Variants in FTO observed in about 807,000 individuals in gnomAD.
FTO encodes alpha-ketoglutarate-dependent dioxygenase FTO.
Under a neutral mutation model 63.9 loss-of-function variants are expected in FTO, and 47 were observed. The ratio of observed to expected loss-of-function variants is 0.74; its 90% CI spans 0.58 to 0.94. The LOEUF (loss-of-function observed/expected upper bound fraction) is 0.94, where lower values mean the gene tolerates loss of function less well. FTO is among the 40% of genes least tolerant of loss of function. FTO has a pLI of 0.00. For missense variants in FTO, 562 were observed against 618.1 expected (o/e 0.91, Z 0.96); for synonymous variants, 207 against 224.4 (o/e 0.92, Z 0.69).
intron 8 of FTO, among the ~76,000 whole-genome samples, chr16:54,017,854 C>T (rs879543730): frequency 3.3e-5 from 5 of 151,970 alleles, no homozygotes; most frequent in South Asian, 2.1e-4. Context: ...CAGCCTCGCC[C>T]GCAAATTGTA....
At chr16:53,888,729 A>C in intron 6 of FTO, 103 bp from the exon 7 acceptor site, 3 of 1,209,500 alleles carry the variant, frequency 2.5e-6, no homozygotes, top group South Asian at 1.2e-5. Context: ...TTCTCATCCT[A>C]TGGCCATCAA....
At chr16:54,086,104 A>G (rs1305655417) in intron 8 of FTO, among the ~76,000 whole-genome samples, 1 of 152,204 alleles carries the variant, frequency 6.6e-6, no homozygotes, top group Middle Eastern at 3.2e-3. Flanking sequence ...TGGAAAACAA[A>G]TCATAAATAC....
At chr16:53,975,300 A>G (rs1406831816) in intron 8 of FTO, among the ~76,000 whole-genome samples, 1 of 151,800 alleles carries the variant, frequency 6.6e-6, no homozygotes, top group Non-Finnish European at 1.5e-5. Context: ...TATTTAGTCT[A>G]AAGTAGTATG....
At chr16:53,928,570 G>A (rs1176164509) in intron 7 of FTO, among the ~76,000 whole-genome samples, 1 of 152,088 alleles carries the variant, frequency 6.6e-6, no homozygotes, top group Non-Finnish European at 1.5e-5. Context: ...AAATTTTAGA[G>A]TTTGAATGTT....
At position 53,931,906 on chromosome 16, in the gene FTO, A is replaced by G. The variant is rs929627685; in HGVS notation, c.1240-2079A>G. 1.1e-4 allele frequency among the ~76,000 whole-genome samples: 16 copies of G among 150,286 alleles called. No individual in the cohort carries two copies. In the East Asian group the frequency reaches 3.0e-3, roughly 28 times the overall value. On this transcript the variant is annotated intron_variant, in intron 7 of 8. Coordinates refer to ENST00000471389, the MANE Select transcript of FTO (RefSeq NM_001080432.3). ...CACACACACACACACACACACACACACGCACATACCAGATTTCTTGTTTAT... is the reference window on the plus strand; with the variant it reads ...CACACACACACACACACACACACACGCGCACATACCAGATTTCTTGTTTAT...
At chr16:54,018,434 A>G (rs562929012) in intron 8 of FTO, among the ~76,000 whole-genome samples, 2,048 of 152,050 alleles carry the variant, frequency 0.013, 37 homozygotes, top group African/African-American at 0.047. Flanking sequence ...ACATACATAC[A>G]TACATACATA....
At chr16:54,010,023 G>A (rs1298374730) in intron 8 of FTO, among the ~76,000 whole-genome samples, 3 of 152,188 alleles carry the variant, frequency 2.0e-5, no homozygotes, top group Non-Finnish European at 4.4e-5. Flanking sequence ...TACCCTAAAA[G>A]ACAGAGGAAC....
intron 1 of FTO, among the ~76,000 whole-genome samples, chr16:53,806,898 G>A (rs148913583): frequency 3.9e-5 from 6 of 152,264 alleles, no homozygotes; most frequent in African/African-American, 7.2e-5. Flanking sequence ...TCTAAGTATG[G>A]TTTTGTTTTG....
In FTO at chr16:53,929,750, A is replaced by T. The variant is rs900927686; in HGVS notation, c.1240-4235A>T. 2.0e-5 allele frequency among the ~76,000 whole-genome samples: 3 copies of T among 152,300 alleles called. No individual in the cohort carries two copies. The East Asian group carries it at 5.8e-4, about 29-fold the overall frequency. ...TTTCGCAGTGCCTTGGGGCTTTGAG[A>T]AGATGCCCCAAAACAAAGGGAGGAC... On this transcript the variant is annotated intron_variant, in intron 7 of 8. Coordinates refer to ENST00000471389, the MANE Select transcript of FTO (RefSeq NM_001080432.3).
chr16:53,828,976 C>T (rs56971155), intron 3 of FTO, among the ~76,000 whole-genome samples: 58,851 of 152,072 alleles, frequency 0.39, 11,791 homozygotes, highest in Middle Eastern at 0.51. Flanking sequence ...CTGCAACCTC[C>T]GCCTCCTGGG....
chr16:53,780,840 A>G (rs1002880312), intron 1 of FTO, among the ~76,000 whole-genome samples: 3 of 152,196 alleles, frequency 2.0e-5, no homozygotes, highest in Non-Finnish European at 4.4e-5. Flanking sequence ...AAATGGAAAT[A>G]TTATTATATC....
rs201836578 is a variant in FTO at position 53,704,188 on chromosome 16, A to G, written c.4A>G (p.Lys2Glu). 19 of 1,551,480 alleles carry G rather than the reference A, an allele frequency of 1.2e-5. No individual in the cohort carries two copies. In the East Asian group the frequency reaches 2.0e-4, roughly 16 times the overall value. M[K>E]RTPTAEERER... ...CGAAGGCGGCTTTAGTGGCAGCATG[A>G]AGCGCACCCCGACTGCCGAGGAACG... Residue 2 changes from lysine to glutamate, a missense_variant, in exon 1 of 9, where the codon AAG (lysine) becomes GAG (glutamate). Physicochemically the swap from Lys to Glu is moderately conservative, Grantham distance 56 (BLOSUM62 1). Transcript: ENST00000471389.
intron 8 of FTO, among the ~76,000 whole-genome samples, chr16:53,940,478 C>T (rs1306880030): frequency 6.6e-6 from 1 of 152,158 alleles, no homozygotes; most frequent in Non-Finnish European, 1.5e-5. Flanking sequence ...CATGTGGCCC[C>T]ACTTATTTTT....
At chr16:53,764,597 T>A (rs557455722) in intron 1 of FTO, among the ~76,000 whole-genome samples, 1 of 152,238 alleles carries the variant, frequency 6.6e-6, no homozygotes, top group East Asian at 1.9e-4. Flanking sequence ...AAAATTGGAG[T>A]TGAGAGCATG....
chr16:53,783,451 C>CA (rs1224029698), intron 1 of FTO, among the ~76,000 whole-genome samples: 1 of 151,744 alleles, frequency 6.6e-6, no homozygotes, highest in African/African-American at 2.4e-5. Context: ...ACTAAAAATA[C>CA]AAAAAATTAG....
chr16:53,788,242 T>TTC, intron 1 of FTO, among the ~76,000 whole-genome samples: 1 of 141,762 alleles, frequency 7.1e-6, no homozygotes, highest in South Asian at 2.2e-4. Context: ...TCTTTATTCT[T>TTC]TCTCTACTCT....
intron 1 of FTO, among the ~76,000 whole-genome samples, chr16:53,789,838 A>G (rs1318898763): frequency 6.7e-6 from 1 of 148,706 alleles, no homozygotes; most frequent in Non-Finnish European, 1.5e-5. Context: ...ATGTATGTAT[A>G]TTCCAGACAA....
Position 53,900,288 on chromosome 16 carries a change from C to G in FTO, c.1239+11337C>G, listed in dbSNP as rs1028671492. ...TTGTTTTTTGTCTAGGTTGAAATAGCCTTGATTACATTTTTGGATGCAAAT... is the reference window on the plus strand; with the variant it reads ...TTGTTTTTTGTCTAGGTTGAAATAGGCTTGATTACATTTTTGGATGCAAAT... On this transcript the variant is annotated intron_variant, in intron 7 of 8. Coordinates refer to ENST00000471389, the MANE Select transcript of FTO (RefSeq NM_001080432.3). 3.1e-4 allele frequency among the ~76,000 whole-genome samples: 47 copies of G among 152,008 alleles called. 1 individual carries two copies. Among genetic ancestry groups the G allele is most frequent in the African/African-American group, 1.1e-3 (47 of 41,382 alleles).
At chr16:53,716,151 C>T (rs1288427266) in intron 1 of FTO, among the ~76,000 whole-genome samples, 1 of 152,142 alleles carries the variant, frequency 6.6e-6, no homozygotes, top group Non-Finnish European at 1.5e-5. Context: ...CACTTTGAGA[C>T]TTGTTTCTGA....
Sources: allele counts gnomAD v4.1 joint callset (sites outside exome capture counted in the v4.1 genomes callset), GRCh38; gene constraint gnomAD v4.1.1; transcripts MANE v1.5; gene names NCBI Gene and HGNC (gene_info 2026-07-23, HGNC 2026-07-21).